DENND2B: variants seen among roughly 807,000 people sequenced by gnomAD.
DENND2B encodes the protein DENN domain containing 2B.
In DENND2B, 32 loss-of-function variants were observed where a neutral mutation model predicts 116.0. The observed-to-expected ratio is 0.28, with a 90% confidence interval of 0.21 to 0.37. The LOEUF (loss-of-function observed/expected upper bound fraction) is 0.37, where lower values mean the gene tolerates loss of function less well. Ranked by LOEUF, DENND2B falls within the 10% of genes least tolerant of loss-of-function variation. The probability of loss-of-function intolerance (pLI) is 1.00; values close to 1 mark genes in which losing one functional copy is unlikely to be tolerated. For synonymous variants in DENND2B, 588 were observed against 583.9 expected (o/e 1.01, Z -0.10); for missense variants, 1,276 against 1,477.7 (o/e 0.86, Z 2.24).
chr11:8,748,765 T>C (rs900156948), intron 2 of DENND2B, among the ~76,000 whole-genome samples: 1 of 151,870 alleles, frequency 6.6e-6, no homozygotes, highest in African/African-American at 2.4e-5. Flanking sequence ...ATGGCAAGCA[T>C]GCTGAGAAGC....
chr11:8,730,067 T>A lies in DENND2B; in HGVS notation c.1223A>T (p.Asn408Ile). 1 of 1,614,132 alleles carries A rather than the reference T, an allele frequency of 6.2e-7. No individual in the cohort carries two copies. Among genetic ancestry groups the A allele is most frequent in the Non-Finnish European group, 8.5e-7 (1 of 1,180,006 alleles). Residue 408 changes from asparagine to isoleucine, a missense_variant, in exon 3 of 20, where the codon AAT becomes ATT. Asn to Ile is a moderately radical substitution (Grantham distance 149, BLOSUM62 -3). Transcript: ENST00000313726. This position sits in a 1 kb window ranked among gnomAD's most constrained non-coding sequence, Gnocchi z 4.1. ...AGGTGTGGGTGAAGGAGGTAGACCA[T>A]TACTGGGCTTACTCTTGGGGTTCTT... ...ADKNPKSKPS[N>I]GLPPSPTPAA...
intron 11 of DENND2B, among the ~76,000 whole-genome samples, chr11:8,708,910 C>G (rs2043105096): frequency 6.6e-6 from 1 of 151,762 alleles, no homozygotes; most frequent in Non-Finnish European, 1.5e-5. Context: ...GAGATCACAC[C>G]ATTGTACTTC....
chr11:8,843,801 T>G (rs1198152606), intron 3 of DENND2B, among the ~76,000 whole-genome samples: 1 of 152,114 alleles, frequency 6.6e-6, no homozygotes, highest in Non-Finnish European at 1.5e-5. Context: ...CACCACTCCC[T>G]CTTCCCAGAA....
At chr11:8,721,737 C>T (rs2046230789) in intron 4 of DENND2B, among the ~76,000 whole-genome samples, 1 of 152,252 alleles carries the variant, frequency 6.6e-6, no homozygotes, top group East Asian at 1.9e-4. Flanking sequence ...CTGCAACCTC[C>T]ATCCCAGTGG....
chr11:8,734,407 T>G (rs2048621611), intron 2 of DENND2B, among the ~76,000 whole-genome samples: 2 of 152,156 alleles, frequency 1.3e-5, no homozygotes, highest in South Asian at 4.1e-4. Flanking sequence ...AGTTTCAGTG[T>G]AGCCACTTAT....
chr11:8,831,040 G>C (rs1292905591), intron 4 of DENND2B, among the ~76,000 whole-genome samples: 1 of 152,206 alleles, frequency 6.6e-6, no homozygotes, highest in Non-Finnish European at 1.5e-5. Context: ...GAGCACCCAT[G>C]AGAAGGGCTC....
intron 1 of DENND2B, among the ~76,000 whole-genome samples, chr11:8,891,419 T>C (rs892709301): frequency 6.6e-6 from 1 of 152,214 alleles, no homozygotes; most frequent in African/African-American, 2.4e-5. Flanking sequence ...ATGGGCTAAA[T>C]GTGCCAATTA....
At chr11:8,785,837 G>C (rs1302977761) in intron 1 of DENND2B, 1 of 152,192 alleles carries the variant, frequency 6.6e-6, no homozygotes, top group Admixed American at 6.5e-5. Flanking sequence ...TCCCAGGCTA[G>C]TATAAGGATT....
At position 8,730,658 on chromosome 11, in the gene DENND2B, G is replaced by A. The variant is rs749869434; in HGVS notation, c.632C>T (p.Pro211Leu). The A allele has an allele frequency of 6.8e-6, 11 of 1,612,352 alleles. No homozygotes were observed. In the South Asian group the frequency reaches 9.9e-5, roughly 14 times the overall value. ...CPSLGCPSVV[P>L]SPCSSEKTFD... is the part of the protein sequence containing the mutation. ...GGTCTTTTCAGAGCTGCAGGGGGAC[G>A]GCACCACGCTGGGACAGCCCAGGCT... Residue 211 changes from proline (P) to leucine (L), a missense_variant, in exon 3 of 20, where the codon CCG (proline) becomes CTG (leucine). Pro to Leu is a moderately conservative substitution (Grantham distance 98, BLOSUM62 -3). Around this residue, in one of 2 missense-constraint regions of DENND2B, gnomAD observed 856 missense variants for 846.6 expected, o/e 1.01. Transcript: ENST00000313726. This position sits in a 1 kb window ranked among gnomAD's most constrained non-coding sequence, Gnocchi z 4.1.
intron 2 of DENND2B, among the ~76,000 whole-genome samples, chr11:8,731,479 C>G (rs1036590267): frequency 1.3e-5 from 2 of 152,152 alleles, no homozygotes; most frequent in Admixed American, 6.5e-5. Context: ...TGTTCTGTGC[C>G]AAGCGAGAGC....
intron 2 of DENND2B, among the ~76,000 whole-genome samples, chr11:8,747,747 AT>A: frequency 6.6e-6 from 1 of 152,210 alleles, no homozygotes; most frequent in African/African-American, 2.4e-5. Flanking sequence ...GGAGACCAAG[AT>A]ACAGCAAAGA....
rs143227157 is a variant in DENND2B, at chr11:8,772,128, T to TACACAC, written c.-25-21409_-25-21404dup. Among the ~76,000 whole-genome samples, 1,381 of 147,244 alleles carry TACACAC rather than the reference T, an allele frequency of 9.4e-3. 16 individuals carry two copies. Among genetic ancestry groups the TACACAC allele is most frequent in the African/African-American group, 0.027 (1,075 of 39,902 alleles). On this transcript the variant is annotated intron_variant, in intron 1 of 19. Transcript: ENST00000313726. ...GCACCCTGAGAGGGAATGGAAGCTC[T>TACACAC]ACACACACACACACACACACACACA...
intron 4 of DENND2B, among the ~76,000 whole-genome samples, chr11:8,823,556 C>G (rs756225506): frequency 1.4e-4 from 22 of 152,172 alleles, no homozygotes; most frequent in Non-Finnish European, 1.5e-4. Context: ...GCCATTTCCC[C>G]CACGCTGTTT....
intron 1 of DENND2B, among the ~76,000 whole-genome samples, chr11:8,765,661 T>C (rs1348077845): frequency 6.7e-6 from 1 of 149,664 alleles, no homozygotes; most frequent in East Asian, 2.0e-4. Context: ...GAATGGAATA[T>C]AAATATTTTT....
chr11:8,783,593 G>A (rs1355381484), intron 1 of DENND2B, among the ~76,000 whole-genome samples: 1 of 152,132 alleles, frequency 6.6e-6, no homozygotes, highest in African/African-American at 2.4e-5. Flanking sequence ...TATGCTATAG[G>A]GGATTATGTG....
At chr11:8,720,685 C>T (rs2046002016) in intron 4 of DENND2B, among the ~76,000 whole-genome samples, 1 of 152,194 alleles carries the variant, frequency 6.6e-6, no homozygotes. Context: ...CTGACTGCCC[C>T]GGAGGAGCTG....
chr11:8,764,942 C>CAAAA (rs35421038), intron 1 of DENND2B, among the ~76,000 whole-genome samples: 7 of 100,284 alleles, frequency 7.0e-5, no homozygotes, highest in Admixed American at 3.8e-4. Context: ...GAGACTGTCT[C>CAAAA]AAAAAAAAAA....
intron 1 of DENND2B, among the ~76,000 whole-genome samples, chr11:8,766,066 G>A (rs1396995337): frequency 6.6e-6 from 1 of 151,858 alleles, no homozygotes; most frequent in Non-Finnish European, 1.5e-5. Flanking sequence ...AGAAAACTTA[G>A]GTATTTATTT....
chr11:8,767,928 C>T (rs1408379916), intron 1 of DENND2B, among the ~76,000 whole-genome samples: 1 of 152,182 alleles, frequency 6.6e-6, no homozygotes, highest in Non-Finnish European at 1.5e-5. Context: ...AGGGCAGTGA[C>T]TCAGAAAAGG....
Sources: gnomAD v4.1 joint callset for allele counts (sites outside exome capture counted in the v4.1 genomes callset) on GRCh38, gnomAD v4.1.1 for gene constraint, gnomAD v4.1.1 regional missense constraint, Gnocchi (gnomAD v3.1) non-coding constraint, MANE v1.5 for transcripts, NCBI Gene and HGNC (gene_info 2026-07-23, HGNC 2026-07-21) for gene names.